TTBK2: variants seen among roughly 807,000 people sequenced by gnomAD.
The protein encoded by TTBK2 is tau-tubulin kinase 2.
TTBK2 carries 28 observed loss-of-function variants against 110.8 expected under a neutral mutation model. The observed-to-expected ratio is 0.25, with a 90% confidence interval of 0.19 to 0.35. TTBK2 has a LOEUF of 0.35. Among genes scored for constraint, TTBK2 ranks in the 10% least tolerant of loss-of-function variants. The pLI, the probability that TTBK2 is intolerant of heterozygous loss-of-function variation, is 1.00. For synonymous variants in TTBK2, 532 were observed against 527.3 expected (o/e 1.01, Z -0.12); for missense variants, 1,369 against 1,500.3 (o/e 0.91, Z 1.45).
intron 1 of TTBK2, chr15:42,919,866 G>C (rs2031275207): frequency 1.0e-6 from 1 of 975,866 alleles, no homozygotes. Context: ...ATATACGTGA[G>C]TCTTTTGTCC....
At position 42,752,367 on chromosome 15, in the gene TTBK2, G is replaced by A. The variant is rs765811535; in HGVS notation, c.2879C>T (p.Ser960Phe). 2 of 1,614,218 alleles carry A rather than the reference G, an allele frequency of 1.2e-6. No homozygotes were observed. The highest frequency in any genetic ancestry group is 1.3e-5 in the African/African-American group (1 of 75,050). Residue 960 changes from serine (S) to phenylalanine (F), a missense_variant, in exon 14 of 15, where the codon TCT becomes TTT. Coordinates refer to ENST00000267890, the MANE Select transcript of TTBK2 (RefSeq NM_173500.4). Reference sequence around the variant, plus strand: ...GAGCTTTTCTTTTGCAGAAACTGGAGAGGATGATTCCAAAGTTGAGTCTAT... The same window carrying A: ...GAGCTTTTCTTTTGCAGAAACTGGAAAGGATGATTCCAAAGTTGAGTCTAT... ...QEIDSTLESS[S>F]PVSAKEKLLQ...
chr15:42,850,995 G>A (rs1027332224), intron 3 of TTBK2, among the ~76,000 whole-genome samples: 6 of 151,976 alleles, frequency 3.9e-5, no homozygotes, highest in Non-Finnish European at 8.8e-5. Flanking sequence ...GGAGGCTGAG[G>A]AGGGTGGATC....
chr15:42,757,100 T>C (rs1484487801), intron 13 of TTBK2, among the ~76,000 whole-genome samples: 1 of 152,058 alleles, frequency 6.6e-6, no homozygotes, highest in African/African-American at 2.4e-5. Flanking sequence ...ACTATTATCA[T>C]TTTTTAATTA....
intron 9 of TTBK2, among the ~76,000 whole-genome samples, chr15:42,795,843 C>CAAAA (rs1175589146): frequency 2.0e-5 from 1 of 48,958 alleles, no homozygotes. Flanking sequence ...AATCTTTCTC[C>CAAAA]AAAAAAAAAA....
intron 5 of TTBK2, among the ~76,000 whole-genome samples, chr15:42,829,332 AAAT>A (rs1411285650): frequency 6.6e-6 from 1 of 152,244 alleles, no homozygotes; most frequent in East Asian, 1.9e-4. Context: ...GTCAGGAGAA[AAAT>A]AAGGTCTTTC....
In TTBK2 at chr15:42,739,092, A is replaced by G. The variant is rs1043396105; in HGVS notation, c.*6703T>C. On this transcript the variant is annotated 3_prime_UTR_variant, in exon 15 of 15. Coordinates refer to ENST00000267890, the MANE Select transcript of TTBK2 (RefSeq NM_173500.4). ...AATATGATACAAATGGGAAAATTAA[A>G]TAAATAATTACACTTTTATGTACAG... The G allele has an allele frequency of 5.3e-5, 8 of 152,260 alleles. No individual in the cohort carries two copies. Among genetic ancestry groups the G allele is most frequent in the East Asian group, 3.8e-4 (2 of 5,200 alleles). 9.4% of individuals were successfully genotyped at this position (152,260 alleles called of 1,614,324 possible). A position where few individuals can be genotyped will look rare whatever the true frequency, so the allele number is the denominator to read the frequency against.
intron 1 of TTBK2, among the ~76,000 whole-genome samples, chr15:42,915,642 A>G (rs1317842944): frequency 1.3e-5 from 2 of 152,190 alleles, no homozygotes; most frequent in East Asian, 1.9e-4. Flanking sequence ...GTAAGGTGGT[A>G]GCAATGGAAA....
chr15:42,826,771 T>A (rs1041082260), intron 6 of TTBK2, among the ~76,000 whole-genome samples: 5 of 152,200 alleles, frequency 3.3e-5, no homozygotes, highest in Non-Finnish European at 5.9e-5. Context: ...CATTCTTTGC[T>A]CAACTAAACT....
intron 7 of TTBK2, among the ~76,000 whole-genome samples, chr15:42,816,085 AATATATATATATATATATAT>A (rs71431870): frequency 3.0e-5 from 2 of 67,470 alleles, no homozygotes; most frequent in Admixed American, 2.2e-4. Context: ...TAAATAAATA[AATATATATATATATATATAT>A]ATATATATAT....
chr15:42,801,302 C>T (rs2140894384), intron 9 of TTBK2: 5 of 1,532,966 alleles, frequency 3.3e-6, no homozygotes, highest in Non-Finnish European at 4.4e-6. Context: ...GGTACTCACG[C>T]AGCTGCCGCG....
At chr15:42,784,161 T>C (rs1308517152) in intron 10 of TTBK2, among the ~76,000 whole-genome samples, 1 of 152,162 alleles carries the variant, frequency 6.6e-6, no homozygotes, top group Non-Finnish European at 1.5e-5. Flanking sequence ...CAATTAGAAT[T>C]TTCAAGCTGA....
In TTBK2 at chr15:42,743,435, C is replaced by T. The variant is rs1417504043; in HGVS notation, c.*2360G>A. The T allele has an allele frequency of 1.3e-5, 2 of 152,214 alleles. No individual in the cohort carries two copies. Among genetic ancestry groups the T allele is most frequent in the East Asian group, 3.8e-4 (2 of 5,206 alleles). 9.4% of individuals were successfully genotyped at this position (152,214 alleles called of 1,614,324 possible). A position where few individuals can be genotyped will look rare whatever the true frequency, so the allele number is the denominator to read the frequency against. ...TCATCAGCTTTTCCAATGATTACTA[C>T]TAGCATATTTCCGACTAAAGGGGTC... On this transcript the variant is annotated 3_prime_UTR_variant, in exon 15 of 15. Coordinates refer to ENST00000267890, the MANE Select transcript of TTBK2 (RefSeq NM_173500.4).
At chr15:42,846,987 T>C (rs1312289941) in intron 3 of TTBK2, among the ~76,000 whole-genome samples, 1 of 152,232 alleles carries the variant, frequency 6.6e-6, no homozygotes, top group Non-Finnish European at 1.5e-5. Context: ...TTCATCCAGC[T>C]GTTCATCTGT....
At chr15:42,867,198 A>G (rs1894408262) in intron 3 of TTBK2, among the ~76,000 whole-genome samples, 1 of 150,908 alleles carries the variant, frequency 6.6e-6, no homozygotes, top group Non-Finnish European at 1.5e-5. Context: ...GAGCCGAGAC[A>G]TCGCACCACT....
chr15:42,828,055 T>G, intron 5 of TTBK2, 23 bp from the exon 6 acceptor site: 1 of 1,547,260 alleles, frequency 6.5e-7, no homozygotes. Flanking sequence ...AGAAGGAAAA[T>G]ATATACATTC....
intron 9 of TTBK2, among the ~76,000 whole-genome samples, chr15:42,802,916 A>C (rs1891288219): frequency 6.6e-6 from 1 of 152,172 alleles, no homozygotes; most frequent in Non-Finnish European, 1.5e-5. Context: ...AAAATGTGAA[A>C]AGGTGAGGCT....
At position 42,843,628 on chromosome 15, in the gene TTBK2, G is replaced by A. The variant is rs141667911; in HGVS notation, c.218-3195C>T. 6.8e-4 allele frequency among the ~76,000 whole-genome samples: 104 copies of A among 151,958 alleles called. 2 individuals carry two copies. The East Asian group carries it at 0.018, about 27-fold the overall frequency. On this transcript the variant is annotated intron_variant, in intron 3 of 14. Transcript: ENST00000267890. ...ACAAAAATCAGCCGGGCATGGTAGC[G>A]CATGCCTGTAGTCCCAGCTACTCAA...
At chr15:42,865,101 A>G (rs2141093761) in intron 3 of TTBK2, among the ~76,000 whole-genome samples, 1 of 152,248 alleles carries the variant, frequency 6.6e-6, no homozygotes, top group East Asian at 1.9e-4. Flanking sequence ...TGTATTGCAA[A>G]ATCTAGGGCA....
At chr15:42,757,361 T>C (rs551121278) in intron 13 of TTBK2, among the ~76,000 whole-genome samples, 9 of 152,236 alleles carry the variant, frequency 5.9e-5, no homozygotes, top group Non-Finnish European at 4.4e-5. Flanking sequence ...TCTTCCTGAC[T>C]AGGCCTCCCA....
Sources: gnomAD v4.1 joint callset for allele counts (sites outside exome capture counted in the v4.1 genomes callset) on GRCh38, gnomAD v4.1.1 for gene constraint, MANE v1.5 for transcripts, NCBI Gene and HGNC (gene_info 2026-07-23, HGNC 2026-07-21) for gene names.